Variants in PSMA6 observed in about 807,000 individuals in gnomAD.
PSMA6 encodes the protein proteasome subunit alpha type-6.
For missense variants in PSMA6, 170 were observed against 294.8 expected (o/e 0.58, Z 3.10); for synonymous variants, 88 against 97.7 (o/e 0.90, Z 0.59).
intron 4 of PSMA6, among the ~76,000 whole-genome samples, chr14:35,312,368 G>C (rs1227611648): frequency 6.6e-6 from 1 of 151,864 alleles, no homozygotes; most frequent in Non-Finnish European, 1.5e-5. Flanking sequence ...TTAGCTGGGC[G>C]TGGTGGTGGG....
At chr14:35,293,185 T>C in intron 1 of PSMA6, 1 of 344,838 alleles carries the variant, frequency 2.9e-6, no homozygotes, top group Non-Finnish European at 5.8e-6. Context: ...GTGACTCAAT[T>C]CTAGAGCTGC....
chr14:35,310,735 A>G lies in PSMA6; in HGVS notation c.254-5A>G, dbSNP rs769023802. On this transcript the variant is annotated splice_polypyrimidine_tract_variant and splice_region_variant and intron_variant, in intron 3 of 6. Transcript: ENST00000261479. ...CAGGTAAATCTTTGTTTTTTATGCT[A>G]TAAGCTGACAGCAGATCCCAGGTAC... is the stretch of plus-strand genomic sequence containing the variant. 7.4e-6 allele frequency: 12 copies of G among 1,611,760 alleles called. No individual in the cohort carries two copies. The highest frequency in any genetic ancestry group is 6.7e-5 in the Admixed American group (4 of 59,944).
chr14:35,290,839 C>T (rs1363189014), upstream of PSMA6, among the ~76,000 whole-genome samples: 1 of 152,192 alleles, frequency 6.6e-6, no homozygotes, highest in Non-Finnish European at 1.5e-5. Flanking sequence ...AAGCCACCTG[C>T]TCTTCTCCCG....
chr14:35,284,798 G>A (rs1443124822), intron 1 of PSMA6, among the ~76,000 whole-genome samples: 3 of 152,134 alleles, frequency 2.0e-5, no homozygotes, highest in African/African-American at 7.2e-5. Context: ...ATAATCATAT[G>A]ATATCTTCAG....
chr14:35,314,555 A>G, intron 6 of PSMA6, 100 bp downstream of exon 6: 1 of 1,335,352 alleles, frequency 7.5e-7, no homozygotes, highest in Middle Eastern at 2.0e-4. Flanking sequence ...TTTAACTGTC[A>G]TTATAGTTTT....
At chr14:35,280,888 A>G (rs2051359721) in intron 1 of PSMA6, among the ~76,000 whole-genome samples, 1 of 152,058 alleles carries the variant, frequency 6.6e-6, no homozygotes, top group African/African-American at 2.4e-5. Flanking sequence ...CACCACACAT[A>G]CCTGATTTTG....
upstream of PSMA6, chr14:35,292,332 A>C: frequency 6.7e-7 from 1 of 1,497,048 alleles, no homozygotes; most frequent in Non-Finnish European, 8.9e-7. Flanking sequence ...AACTGGCTCC[A>C]GAGCCGTGAG....
intron 1 of PSMA6, among the ~76,000 whole-genome samples, chr14:35,294,528 A>C (rs1478401462): frequency 6.6e-6 from 1 of 152,250 alleles, no homozygotes; most frequent in Non-Finnish European, 1.5e-5. Flanking sequence ...GGCACTTGCC[A>C]GGTATGTAAC....
rs71445906 is a variant in PSMA6, at chr14:35,299,327, C to CTT, written c.76+6787_76+6788dup. ...TGTGAGCCGCCGCAGTGCCCAGCCT[C>CTT]TTTTTTTTTTTTTGAGATGGAGTCT... On this transcript the variant is annotated intron_variant, in intron 1 of 6. Coordinates refer to ENST00000261479, the MANE Select transcript of PSMA6 (RefSeq NM_002791.3). Among the ~76,000 whole-genome samples the CTT allele has an allele frequency of 1.1e-3, 70 of 66,004 alleles. 9 individuals are homozygous for CTT. Among genetic ancestry groups the CTT allele is most frequent in the African/African-American group, 3.9e-3 (66 of 17,128 alleles). The allele number at this position is 66,004 out of a possible 152,430, so 43.3% of individuals were successfully genotyped here.
intron 1 of PSMA6, among the ~76,000 whole-genome samples, chr14:35,297,544 CTCAAT>C (rs2138723661): frequency 6.6e-6 from 1 of 152,122 alleles, no homozygotes; most frequent in East Asian, 1.9e-4. Flanking sequence ...ATATGTATCT[CTCAAT>C]TCATTTTTAT....
upstream of PSMA6, among the ~76,000 whole-genome samples, chr14:35,290,946 G>C (rs899436968): frequency 2.0e-5 from 3 of 151,872 alleles, no homozygotes; most frequent in Non-Finnish European, 4.4e-5. Flanking sequence ...ATTAATCAAG[G>C]GTGCTTAACC....
chr14:35,295,221 T>C (rs550182107), intron 1 of PSMA6, among the ~76,000 whole-genome samples: 6 of 151,722 alleles, frequency 4.0e-5, no homozygotes, highest in Non-Finnish European at 5.9e-5. Flanking sequence ...CCTGTAGTCC[T>C]ACCTCCTCAG....
exon 1 of PSMA6, chr14:35,278,718 G>C (rs1360787942): frequency 6.5e-7 from 1 of 1,534,392 alleles, no homozygotes. Context: ...TCTTCGGAGA[G>C]GTAAGTCCCT....
upstream of PSMA6, among the ~76,000 whole-genome samples, chr14:35,291,629 G>A (rs1275269854): frequency 2.0e-5 from 3 of 152,044 alleles, no homozygotes; most frequent in African/African-American, 4.8e-5. Flanking sequence ...TTCGAGAGCT[G>A]CCTGACCAAC....
At chr14:35,299,313 G>A (rs2051662262) in intron 1 of PSMA6, among the ~76,000 whole-genome samples, 1 of 77,442 alleles carries the variant, frequency 1.3e-5, no homozygotes, top group South Asian at 4.5e-4. Context: ...GTGAGCCGCC[G>A]CAGTGCCCAG....
intron 1 of PSMA6, among the ~76,000 whole-genome samples, chr14:35,283,143 C>T (rs781478261): frequency 5.3e-5 from 8 of 151,966 alleles, no homozygotes; most frequent in Non-Finnish European, 1.0e-4. Flanking sequence ...CGTGCCCCAC[C>T]GATACTTTGT....
At chr14:35,284,699 G>A (rs554151915) in intron 1 of PSMA6, among the ~76,000 whole-genome samples, 242 of 152,294 alleles carry the variant, frequency 1.6e-3, no homozygotes, top group African/African-American at 5.6e-3. Flanking sequence ...GGTCTTTTGT[G>A]TGTGAGCTGG....
intron 1 of PSMA6, among the ~76,000 whole-genome samples, chr14:35,285,333 C>G (rs1315658777): frequency 9.2e-6 from 1 of 108,232 alleles, no homozygotes; most frequent in Admixed American, 1.2e-4. Flanking sequence ...GAGCAAAACT[C>G]TATCTCAAAA....
intron 1 of PSMA6, among the ~76,000 whole-genome samples, chr14:35,295,987 A>G (rs2051579475): frequency 6.6e-6 from 1 of 152,124 alleles, no homozygotes; most frequent in Admixed American, 6.6e-5. Context: ...AGGTCTGGCA[A>G]AGGAGAAGAG....
Sources: allele counts gnomAD v4.1 joint callset (sites outside exome capture counted in the v4.1 genomes callset), GRCh38; gene constraint gnomAD v4.1.1; transcripts MANE v1.5; gene names NCBI Gene and HGNC (gene_info 2026-07-23, HGNC 2026-07-21).